DACH2: variants seen among roughly 807,000 people sequenced by gnomAD.
DACH2 encodes the protein dachshund homolog 2.
Under a neutral mutation model 35.8 loss-of-function variants are expected in DACH2, and 17 were observed. The ratio of observed to expected loss-of-function variants is 0.48; its 90% CI spans 0.33 to 0.71. The LOEUF (loss-of-function observed/expected upper bound fraction) is 0.71. DACH2 is among the 30% of genes least tolerant of loss of function. The pLI is 0.02. For missense variants in DACH2, 469 were observed against 472.7 expected (o/e 0.99, Z 0.07); for synonymous variants, 195 against 177.3 (o/e 1.10, Z -0.79).
chrX:86,330,724 G>T (rs2035197520), intron 1 of DACH2, among the ~76,000 whole-genome samples: 1 of 111,654 alleles, frequency 9.0e-6, no homozygotes, highest in South Asian at 3.7e-4. Flanking sequence ...TGGGTCTTTG[G>T]ATAGCAGTTG....
At chrX:86,363,487 A>T (rs1021385620) in intron 1 of DACH2, among the ~76,000 whole-genome samples, 1 of 111,643 alleles carries the variant, frequency 9.0e-6, no homozygotes, top group Non-Finnish European at 1.9e-5. Context: ...ATATGACAAC[A>T]TGATAAGTTT....
intron 1 of DACH2, among the ~76,000 whole-genome samples, chrX:86,170,658 C>G (rs1379554385): frequency 8.9e-6 from 1 of 112,487 alleles, no homozygotes; most frequent in Non-Finnish European, 1.9e-5. Context: ...TGCCAGACTA[C>G]TGTTGATGTT....
intron 1 of DACH2, among the ~76,000 whole-genome samples, chrX:86,281,433 T>C (rs1225165376): frequency 9.0e-6 from 1 of 111,343 alleles, no homozygotes; most frequent in Non-Finnish European, 1.9e-5. Context: ...AGAAAAGGCC[T>C]TCAATAAAAT....
chrX:86,535,208 T>C (rs2148292731), intron 3 of DACH2, among the ~76,000 whole-genome samples: 1 of 111,889 alleles, frequency 8.9e-6, no homozygotes, highest in South Asian at 3.7e-4. Flanking sequence ...TAGTATTTAC[T>C]CACCGTCTGT....
intron 6 of DACH2, among the ~76,000 whole-genome samples, chrX:86,725,124 C>G (rs1222917387): frequency 1.8e-5 from 2 of 108,729 alleles, no homozygotes; most frequent in Non-Finnish European, 3.8e-5. Context: ...TCAGATTTCT[C>G]TTTCATGTGA....
chrX:86,555,878 C>G (rs1256503908), intron 3 of DACH2, among the ~76,000 whole-genome samples: 2 of 111,105 alleles, frequency 1.8e-5, no homozygotes, highest in East Asian at 2.9e-4. Flanking sequence ...TCATGTGAAG[C>G]ACAATTTATT....
At chrX:86,546,462 A>G (rs1386959588) in intron 3 of DACH2, among the ~76,000 whole-genome samples, 2 of 33,395 alleles carry the variant, frequency 6.0e-5, no homozygotes, top group Non-Finnish European at 1.1e-4. Context: ...TTCCTCTTCT[A>G]CCTCTTATTC....
At chrX:86,530,091 A>C (rs913355462) in intron 3 of DACH2, among the ~76,000 whole-genome samples, 1 of 111,018 alleles carries the variant, frequency 9.0e-6, no homozygotes, top group South Asian at 3.8e-4. Flanking sequence ...AACTAAAGTG[A>C]ACAAGGGCAT....
chrX:86,652,764 A>C (rs756172619), intron 4 of DACH2, among the ~76,000 whole-genome samples: 4 of 111,793 alleles, frequency 3.6e-5, no homozygotes, highest in Non-Finnish European at 7.5e-5. Flanking sequence ...GTGTCTGTTC[A>C]TGTACTTTGC....
At chrX:86,799,381 C>A (rs188841397) in intron 7 of DACH2, among the ~76,000 whole-genome samples, 87 of 111,896 alleles carry the variant, frequency 7.8e-4, no homozygotes, top group African/African-American at 2.7e-3. Flanking sequence ...GGGGAAAATG[C>A]GACTTGGTGG....
chrX:86,681,068 C>G (rs1310075573), intron 4 of DACH2, among the ~76,000 whole-genome samples: 1 of 111,075 alleles, frequency 9.0e-6, no homozygotes, highest in Non-Finnish European at 1.9e-5. Flanking sequence ...ATCTATCTAT[C>G]TATCTATATG....
intron 1 of DACH2, among the ~76,000 whole-genome samples, chrX:86,256,336 C>T (rs1395353985): frequency 2.7e-5 from 3 of 111,368 alleles, no homozygotes; most frequent in African/African-American, 9.8e-5. Context: ...GCATGACTTT[C>T]TTCTGAAGAG....
At chrX:86,218,319 A>G (rs2032623933) in intron 1 of DACH2, among the ~76,000 whole-genome samples, 1 of 112,073 alleles carries the variant, frequency 8.9e-6, no homozygotes, top group African/African-American at 3.2e-5. Flanking sequence ...TCCATGTTAT[A>G]CAAGTGTTTT....
intron 2 of DACH2, among the ~76,000 whole-genome samples, chrX:86,390,778 CG>C (rs371899456): frequency 2.3e-3 from 245 of 108,050 alleles, no homozygotes; most frequent in African/African-American, 7.9e-3. Context: ...TTAGTTAAGA[CG>C]GGGTTTCACC....
At chrX:86,339,193 A>G (rs866590813) in intron 1 of DACH2, among the ~76,000 whole-genome samples, 1 of 111,223 alleles carries the variant, frequency 9.0e-6, no homozygotes, top group Non-Finnish European at 1.9e-5. Context: ...ATGAATTTAT[A>G]CCTGCCACAA....
Position 86,739,840 on chromosome X carries a change from T to C in DACH2, c.1198T>C (p.Ser400Pro). 8.3e-7 allele frequency: 1 copy of C among 1,205,228 alleles called. No homozygotes were observed. Among genetic ancestry groups the C allele is most frequent in the East Asian group, 3.0e-5 (1 of 33,385 alleles). The change falls in exon 7 of 12, where the codon TCC becomes CCC. Residue 400 changes from serine to proline, a missense_variant. Ser to Pro is a moderately conservative substitution (Grantham distance 74). This residue lies in a region of DACH2 where 363 missense variants were observed against 334.4 expected (regional missense o/e 1.09). Transcript: ENST00000373125. Reference sequence around the variant, plus strand: ...CTCTTCCCACACCAGCAGCAGTGTGTCCAGCTCTCCCTCTCAGATGGATCA... The same window carrying C: ...CTCTTCCCACACCAGCAGCAGTGTGCCCAGCTCTCCCTCTCAGATGGATCA... Reference protein sequence around the residue: ...QTSSHTSSSVSSSPSQMDHHL... With the variant: ...QTSSHTSSSVPSSPSQMDHHL...
chrX:86,487,270 C>A (rs766929549), intron 2 of DACH2, among the ~76,000 whole-genome samples: 1 of 111,722 alleles, frequency 9.0e-6, no homozygotes, highest in African/African-American at 3.2e-5. Flanking sequence ...TGGTTGTAGT[C>A]ATTTCAACGC....
chrX:86,374,223 C>T (rs1216114028), intron 1 of DACH2, among the ~76,000 whole-genome samples: 1 of 111,003 alleles, frequency 9.0e-6, no homozygotes, highest in African/African-American at 3.3e-5. Context: ...CAATCACTGT[C>T]GTTAACTTTG....
intron 1 of DACH2, among the ~76,000 whole-genome samples, chrX:86,195,990 A>G (rs1168338551): frequency 8.9e-6 from 1 of 112,191 alleles, no homozygotes; most frequent in Non-Finnish European, 1.9e-5. Flanking sequence ...GATGAGAAAG[A>G]ACCTTTGCTA....
Sources: allele counts gnomAD v4.1 joint callset (sites outside exome capture counted in the v4.1 genomes callset), GRCh38; gene constraint gnomAD v4.1.1; regional missense constraint gnomAD v4.1.1; transcripts MANE v1.5; gene names NCBI Gene and HGNC (gene_info 2026-07-23, HGNC 2026-07-21).